DNAAF11: variants seen among roughly 807,000 people sequenced by gnomAD.
DNAAF11 encodes dynein axonemal assembly factor 11.
A neutral mutation model predicts 60.8 loss-of-function variants in DNAAF11; 45 were observed. The ratio of observed to expected loss-of-function variants is 0.74; its 90% CI spans 0.58 to 0.95. DNAAF11 has a LOEUF of 0.95. Among genes scored for constraint, DNAAF11 ranks in the 40% least tolerant of loss-of-function variants. DNAAF11 has a pLI of 0.00. For synonymous variants in DNAAF11, 191 were observed against 183.5 expected, an observed-to-expected ratio of 1.04 and a Z score of -0.33; for missense variants, 546 against 546.2, an observed-to-expected ratio of 1.00 and a Z score of 0.00.
At chr8:132,581,270 ATAAT>A (rs974234353) in intron 11 of DNAAF11, among the ~76,000 whole-genome samples, 44 of 152,182 alleles carry the variant, frequency 2.9e-4, no homozygotes, top group African/African-American at 9.7e-4. Flanking sequence ...CAAACATAAA[ATAAT>A]TAACCATAAA....
rs1242891139 is a variant in DNAAF11 at position 132,570,915 on chromosome 8, C to A, written c.*1391G>T. The stretch of plus-strand genomic sequence containing the variant: ...GCTCCCAATCACAGTCCTACTTCAG[C>A]TTCTCAGATTCTGTGCAAGTTCTGA... On this transcript the variant is annotated 3_prime_UTR_variant, in exon 12 of 12. Transcript: ENST00000620350. Among the ~76,000 whole-genome samples the A allele has an allele frequency of 6.6e-6, 1 of 152,226 alleles. No homozygotes were observed. The highest frequency in any genetic ancestry group is 2.4e-5 in the African/African-American group (1 of 41,460).
At chr8:132,656,929 TTAAGA>T (rs1823632693) in intron 2 of DNAAF11, 22 bp from the exon 3 acceptor site, 3 of 864,374 alleles carry the variant, frequency 3.5e-6, no homozygotes, top group Non-Finnish European at 5.5e-6. Flanking sequence ...GATAATGTAG[TTAAGA>T]TAATTAATCT....
chr8:132,684,787 G>C, the DNAAF11 span, among the ~76,000 whole-genome samples: 1 of 152,180 alleles, frequency 6.6e-6, no homozygotes, highest in Non-Finnish European at 1.5e-5. Context: ...TAATCCTTTT[G>C]ATTCTGTTGC....
At position 132,573,101 on chromosome 8, in the gene DNAAF11, T is replaced by C. The variant is rs999789248; in HGVS notation, c.1227-621A>G. The stretch of plus-strand genomic sequence containing the variant: ...TCCCAATATCATGGTCAGATATAGA[T>C]ATAGATATAGATACAGATATAGATA... On this transcript the variant is annotated intron_variant, in intron 11 of 11. Coordinates refer to ENST00000620350, the MANE Select transcript of DNAAF11 (RefSeq NM_012472.6). 3.3e-5 allele frequency among the ~76,000 whole-genome samples: 5 copies of C among 152,222 alleles called. No individual in the cohort carries two copies. In the East Asian group the frequency reaches 9.7e-4, roughly 29 times the overall value.
chr8:132,643,477 T>C, intron 3 of DNAAF11: 3 of 313,126 alleles, frequency 9.6e-6, no homozygotes, highest in South Asian at 5.3e-5. Context: ...TGTGGGAGAG[T>C]TGGGGAGCAA....
At chr8:132,686,931 G>A in the DNAAF11 span, among the ~76,000 whole-genome samples, 1 of 152,096 alleles carries the variant, frequency 6.6e-6, no homozygotes, top group Non-Finnish European at 1.5e-5. Context: ...ATCACATTTG[G>A]CTTATTAACT....
chr8:132,610,104 G>T, intron 10 of DNAAF11, 62 bp downstream of exon 10: 1 of 1,186,040 alleles, frequency 8.4e-7, no homozygotes. Flanking sequence ...GTCCTGACAG[G>T]TCAAGTTCCT....
intron 3 of DNAAF11, among the ~76,000 whole-genome samples, chr8:132,639,066 T>C (rs1821598313): frequency 6.6e-6 from 1 of 152,324 alleles, no homozygotes; most frequent in East Asian, 1.9e-4. Context: ...AGCATAATGC[T>C]TGCCACCTAG....
chr8:132,607,073 T>C (rs1818210812), intron 10 of DNAAF11, among the ~76,000 whole-genome samples: 1 of 152,194 alleles, frequency 6.6e-6, no homozygotes, highest in Non-Finnish European at 1.5e-5. Flanking sequence ...TCCCATTCAC[T>C]CACCACTCAC....
intron 8 of DNAAF11, among the ~76,000 whole-genome samples, chr8:132,613,832 G>A (rs1390194281): frequency 1.3e-5 from 2 of 152,144 alleles, no homozygotes; most frequent in East Asian, 3.9e-4. Context: ...ACCTCCCAGG[G>A]TTACTGAGAG....
At chr8:132,575,680 G>A (rs143931593) in intron 11 of DNAAF11, among the ~76,000 whole-genome samples, 13 of 152,280 alleles carry the variant, frequency 8.5e-5, no homozygotes, top group East Asian at 3.9e-4. Flanking sequence ...CACTGGGCGC[G>A]GGGTGGGGCT....
chr8:132,615,838 A>G (rs778803027), intron 7 of DNAAF11, among the ~76,000 whole-genome samples: 2 of 152,180 alleles, frequency 1.3e-5, no homozygotes, highest in African/African-American at 2.4e-5. Context: ...CAGTTACTGT[A>G]TTACTCTATA....
At chr8:132,678,334 T>C (rs1825818609), upstream of DNAAF11, among the ~76,000 whole-genome samples, 1 of 152,204 alleles carries the variant, frequency 6.6e-6, no homozygotes, top group Non-Finnish European at 1.5e-5. Flanking sequence ...TTCCCTATAG[T>C]TTAACAATGT....
At chr8:132,614,942 G>C in intron 8 of DNAAF11, 96 bp downstream of exon 8, 1 of 723,642 alleles carries the variant, frequency 1.4e-6, no homozygotes, top group South Asian at 1.9e-5. Context: ...ATAGGTCTAA[G>C]TCAATTCCAT....
At chr8:132,597,253 C>T (rs933515317) in intron 10 of DNAAF11, among the ~76,000 whole-genome samples, 14 of 152,144 alleles carry the variant, frequency 9.2e-5, no homozygotes, top group Admixed American at 2.6e-4. Flanking sequence ...TGTTTCAAGA[C>T]GTGGCTGTTC....
chr8:132,580,818 TTGTA>T (rs1211442007), intron 11 of DNAAF11, among the ~76,000 whole-genome samples: 1 of 152,214 alleles, frequency 6.6e-6, no homozygotes, highest in African/African-American at 2.4e-5. Context: ...GTGTGTGTGT[TTGTA>T]TGTGAGTAAA....
At chr8:132,585,394 T>C (rs4531032) in intron 10 of DNAAF11, among the ~76,000 whole-genome samples, 3,991 of 152,318 alleles carry the variant, frequency 0.026, 191 homozygotes, top group African/African-American at 0.091. Context: ...TCTTCCTCTT[T>C]CCATGGGTCT....
intron 10 of DNAAF11, among the ~76,000 whole-genome samples, chr8:132,607,833 A>T (rs1818278304): frequency 6.6e-6 from 1 of 152,030 alleles, no homozygotes; most frequent in Non-Finnish European, 1.5e-5. Flanking sequence ...ACACACACAC[A>T]TATATCACAG....
intron 10 of DNAAF11, among the ~76,000 whole-genome samples, chr8:132,595,581 TA>T (rs1021372730): frequency 1.3e-5 from 2 of 151,766 alleles, no homozygotes; most frequent in East Asian, 1.9e-4. Flanking sequence ...TTTACTTCTT[TA>T]AAAAAAATAA....
Sources: allele counts gnomAD v4.1 joint callset (sites outside exome capture counted in the v4.1 genomes callset), GRCh38; gene constraint gnomAD v4.1.1; transcripts MANE v1.5; gene names NCBI Gene and HGNC (gene_info 2026-07-23, HGNC 2026-07-21).